FHOD3: variants seen among roughly 807,000 people sequenced by gnomAD.
FHOD3 encodes the protein FH1/FH2 domain-containing protein 3.
FHOD3 carries 90 observed loss-of-function variants against 173.0 expected under a neutral mutation model. The ratio of observed to expected loss-of-function variants is 0.52; its 90% CI spans 0.44 to 0.62. The LOEUF (loss-of-function observed/expected upper bound fraction) is 0.62, where lower values mean the gene tolerates loss of function less well. FHOD3 is among the 20% of genes least tolerant of loss of function. The pLI, the probability that FHOD3 is intolerant of heterozygous loss-of-function variation, is 0.00. For synonymous variants in FHOD3, 828 were observed against 823.0 expected, an observed-to-expected ratio of 1.01 and a Z score of -0.10; for missense variants, 1,945 against 2,034.7, an observed-to-expected ratio of 0.96 and a Z score of 0.85.
At chr18:36,414,468 C>T (rs184247179) in intron 3 of FHOD3, among the ~76,000 whole-genome samples, 1 of 152,286 alleles carries the variant, frequency 6.6e-6, no homozygotes, top group Admixed American at 6.5e-5. Context: ...GAGTGAGTTC[C>T]AGAGCCAAAG....
chr18:36,678,930 T>C (rs760897636), intron 14 of FHOD3, among the ~76,000 whole-genome samples: 3 of 46,044 alleles, frequency 6.5e-5, no homozygotes, highest in African/African-American at 9.1e-5. Flanking sequence ...ATATGAATCA[T>C]GTAAAATGGG....
At chr18:36,680,320 A>C (rs2038152063) in intron 14 of FHOD3, among the ~76,000 whole-genome samples, 1 of 152,234 alleles carries the variant, frequency 6.6e-6, no homozygotes, top group African/African-American at 2.4e-5. Flanking sequence ...TTTCTCCTGC[A>C]CTGAGATCTG....
chr18:36,392,745 C>A (rs1470916323), intron 3 of FHOD3, among the ~76,000 whole-genome samples: 4 of 152,192 alleles, frequency 2.6e-5, no homozygotes. Flanking sequence ...CTCATAGATT[C>A]TTTTTCCTTT....
chr18:36,775,899 A>T (rs922071195), intron 28 of FHOD3, among the ~76,000 whole-genome samples: 2 of 152,200 alleles, frequency 1.3e-5, no homozygotes, highest in Non-Finnish European at 2.9e-5. Flanking sequence ...ACAGGGATAA[A>T]CATTTCCAGT....
chr18:36,755,381 A>C, intron 25 of FHOD3, 70 bp downstream of exon 25: 56 of 692,706 alleles, frequency 8.1e-5, no homozygotes, highest in Non-Finnish European at 1.0e-4. Flanking sequence ...AATCCTCCCC[A>C]CAGTTAAAAG....
intron 5 of FHOD3, among the ~76,000 whole-genome samples, chr18:36,562,202 A>G (rs1465751862): frequency 6.6e-6 from 1 of 152,124 alleles, no homozygotes; most frequent in Non-Finnish European, 1.5e-5. Context: ...CTGTTGGTAG[A>G]GACAGGATTT....
At chr18:36,545,028 C>A (rs1319625378) in intron 5 of FHOD3, among the ~76,000 whole-genome samples, 1 of 152,134 alleles carries the variant, frequency 6.6e-6, no homozygotes, top group Non-Finnish European at 1.5e-5. Context: ...GTCAATGAGG[C>A]AATGCTTGTA....
At chr18:36,667,146 G>C (rs948833195) in intron 14 of FHOD3, among the ~76,000 whole-genome samples, 1 of 152,080 alleles carries the variant, frequency 6.6e-6, no homozygotes, top group Non-Finnish European at 1.5e-5. Flanking sequence ...TAATTTATCT[G>C]TTTACCTGTT....
At chr18:36,647,370 G>T (rs2035762573) in intron 10 of FHOD3, among the ~76,000 whole-genome samples, 1 of 152,146 alleles carries the variant, frequency 6.6e-6, no homozygotes, top group South Asian at 2.1e-4. Context: ...AACTTCATTA[G>T]TCATCAGAGA....
chr18:36,405,050 G>A (rs2048994664), intron 3 of FHOD3, among the ~76,000 whole-genome samples: 1 of 152,156 alleles, frequency 6.6e-6, no homozygotes, highest in African/African-American at 2.4e-5. Flanking sequence ...CTGAGCTAAG[G>A]CAAGCCCCAG....
intron 9 of FHOD3, among the ~76,000 whole-genome samples, chr18:36,619,853 G>A (rs1481419257): frequency 6.6e-6 from 1 of 152,214 alleles, no homozygotes; most frequent in Non-Finnish European, 1.5e-5. Context: ...AAGGAAGGAA[G>A]GCCTGATGAA....
chr18:36,560,852 T>TG (rs1220011621), intron 5 of FHOD3, among the ~76,000 whole-genome samples: 1 of 151,764 alleles, frequency 6.6e-6, no homozygotes, highest in Admixed American at 6.6e-5. Context: ...GTTTTTTTTT[T>TG]TTGTTTCTTT....
Position 36,641,200 on chromosome 18 carries a change from A to C in FHOD3, c.1197-8116A>C, listed in dbSNP as rs549762140. Among the ~76,000 whole-genome samples, 109 of 152,330 alleles carry C rather than the reference A, an allele frequency of 7.2e-4. 1 individual carries two copies. The highest frequency in any genetic ancestry group is 3.4e-3 in the Middle Eastern group (1 of 294). Reference sequence around the variant, plus strand: ...TGGGCAGGGTCTCCTGGAGAAACAGAGCAGGAAAAGTAACTCTAGTCAGGA... The same window carrying C: ...TGGGCAGGGTCTCCTGGAGAAACAGCGCAGGAAAAGTAACTCTAGTCAGGA... On this transcript the variant is annotated intron_variant, in intron 10 of 28. Coordinates refer to ENST00000590592, the MANE Select transcript of FHOD3 (RefSeq NM_001281740.3).
intron 3 of FHOD3, among the ~76,000 whole-genome samples, chr18:36,463,422 A>T: frequency 8.9e-6 from 1 of 112,820 alleles, no homozygotes; most frequent in Non-Finnish European, 1.8e-5. Flanking sequence ...AAAATAATAT[A>T]TATTTTTATT....
chr18:36,441,209 G>GC (rs2051127694), intron 3 of FHOD3, among the ~76,000 whole-genome samples: 1 of 152,076 alleles, frequency 6.6e-6, no homozygotes, highest in African/African-American at 2.4e-5. Flanking sequence ...ATGCCCCAGA[G>GC]CTGGATGTTG....
chr18:36,633,571 C>T (rs971520627), intron 10 of FHOD3, among the ~76,000 whole-genome samples: 7 of 152,106 alleles, frequency 4.6e-5, no homozygotes, highest in East Asian at 1.9e-4. Context: ...GTGAGGAAAC[C>T]GAAACACAGA....
chr18:36,499,396 G>T (rs2054908838), intron 3 of FHOD3, among the ~76,000 whole-genome samples: 1 of 152,152 alleles, frequency 6.6e-6, no homozygotes. Context: ...GAGCCACGGT[G>T]CCCAGCAGCC....
intron 4 of FHOD3, among the ~76,000 whole-genome samples, chr18:36,507,743 C>T (rs1671340868): frequency 6.6e-6 from 1 of 152,148 alleles, no homozygotes; most frequent in African/African-American, 2.4e-5. Flanking sequence ...GTGTGTCTTC[C>T]TGATACTAAG....
chr18:36,479,461 A>G lies in FHOD3; in HGVS notation c.338-22471A>G, dbSNP rs55903435. ...CTTGCTTAATATTAAGTGTGTAGCC[A>G]TCTATGTTGGTAGTGTCATAAGTTT... On this transcript the variant is annotated intron_variant, in intron 3 of 28. Transcript: ENST00000590592. Among the ~76,000 whole-genome samples the G allele has an allele frequency of 4.5e-3, 689 of 152,268 alleles. 2 individuals carry two copies. The highest frequency in any genetic ancestry group is 0.016 in the African/African-American group (650 of 41,532).
Sources: gnomAD v4.1 joint callset for allele counts (sites outside exome capture counted in the v4.1 genomes callset) on GRCh38, gnomAD v4.1.1 for gene constraint, MANE v1.5 for transcripts, NCBI Gene and HGNC (gene_info 2026-07-23, HGNC 2026-07-21) for gene names.